TACC1: variants seen among roughly 807,000 people sequenced by gnomAD.
The protein encoded by TACC1 is transforming acidic coiled-coil-containing protein 1.
In TACC1, 48 loss-of-function variants were observed where a neutral mutation model predicts 84.4. That is an observed-to-expected ratio of 0.57 (90% confidence interval 0.45 to 0.72). The LOEUF (loss-of-function observed/expected upper bound fraction) is 0.72. Among genes scored for constraint, TACC1 ranks in the 30% least tolerant of loss-of-function variants. The probability of loss-of-function intolerance (pLI) is 0.00; values close to 1 mark genes in which losing one functional copy is unlikely to be tolerated. For missense variants in TACC1, 920 were observed against 973.0 expected (o/e 0.95, Z 0.72); for synonymous variants, 372 against 376.3 (o/e 0.99, Z 0.13).
Position 38,820,640 on chromosome 8 carries a change from G to C in TACC1, c.1391+5G>C. On this transcript the variant is annotated splice_donor_5th_base_variant and intron_variant, in intron 3 of 12. Coordinates refer to ENST00000317827, the MANE Select transcript of TACC1 (RefSeq NM_006283.3). ...GGCAAAGTCGCGTTTAATAACGTGAGTGACAGTGGGCGCTGGGTGTCGTGC... is the reference window on the plus strand; with the variant it reads ...GGCAAAGTCGCGTTTAATAACGTGACTGACAGTGGGCGCTGGGTGTCGTGC... 6.3e-7 allele frequency: 1 copy of C among 1,598,998 alleles called. No homozygotes were observed. Among genetic ancestry groups the C allele is most frequent in the Non-Finnish European group, 8.5e-7 (1 of 1,177,040 alleles).
intron 3 of TACC1, chr8:38,757,266 A>T: frequency 1.1e-6 from 1 of 922,696 alleles, no homozygotes; most frequent in Non-Finnish European, 1.3e-6. Flanking sequence ...CTCCCCGCCC[A>T]GGGTCTGGGC....
chr8:38,818,610 G>A lies in TACC1; in HGVS notation c.278-912G>A, dbSNP rs187770762. On this transcript the variant is annotated intron_variant, in intron 2 of 12. Coordinates refer to ENST00000317827, the MANE Select transcript of TACC1 (RefSeq NM_006283.3). ...TACAATTTGTGTCTTAGTAAAATAA[G>A]GGCTATTTGTTTTAAAGCCATTTCC... Among the ~76,000 whole-genome samples, 358 of 152,204 alleles carry A rather than the reference G, an allele frequency of 2.4e-3. 7 individuals are homozygous for A. The highest frequency in any genetic ancestry group is 8.0e-3 in the African/African-American group (331 of 41,544).
intron 3 of TACC1, among the ~76,000 whole-genome samples, chr8:38,748,204 A>G (rs902754404): frequency 6.6e-6 from 1 of 152,142 alleles, no homozygotes; most frequent in Non-Finnish European, 1.5e-5. Flanking sequence ...AAAAAAAAGT[A>G]TCATAAAAGA....
chr8:38,752,769 A>C (rs971847168), intron 3 of TACC1, among the ~76,000 whole-genome samples: 6 of 152,124 alleles, frequency 3.9e-5, no homozygotes, highest in Non-Finnish European at 8.8e-5. Context: ...GGCACCAAAA[A>C]ATAGTAGATT....
chr8:38,813,920 G>C (rs1288281294), intron 2 of TACC1, among the ~76,000 whole-genome samples: 5 of 152,176 alleles, frequency 3.3e-5, no homozygotes, highest in Admixed American at 3.3e-4. Flanking sequence ...TAGAAATTAA[G>C]CTGGGGCAGT....
At chr8:38,745,833 C>T (rs972321949) in intron 3 of TACC1, among the ~76,000 whole-genome samples, 3 of 151,928 alleles carry the variant, frequency 2.0e-5, no homozygotes, top group African/African-American at 2.4e-5. Flanking sequence ...CATGAGCCAC[C>T]GCACCCAGCC....
chr8:38,766,349 C>A (rs924847339), intron 3 of TACC1, among the ~76,000 whole-genome samples: 1 of 152,172 alleles, frequency 6.6e-6, no homozygotes, highest in Non-Finnish European at 1.5e-5. Flanking sequence ...AGGCAAAATA[C>A]ATTATATTTA....
intron 2 of TACC1, chr8:38,805,767 TG>T (rs1822550321): frequency 6.6e-6 from 1 of 152,214 alleles, no homozygotes; most frequent in African/African-American, 2.4e-5. Context: ...CCAGTTTAAA[TG>T]AATTACAGAG....
intron 2 of TACC1, among the ~76,000 whole-genome samples, chr8:38,807,979 A>T (rs1396463114): frequency 1.3e-5 from 2 of 152,264 alleles, no homozygotes; most frequent in Non-Finnish European, 2.9e-5. Context: ...GATTTAGGGA[A>T]GGCTGACTAT....
chr8:38,841,021 C>T (rs577478009), intron 9 of TACC1, among the ~76,000 whole-genome samples: 9 of 152,286 alleles, frequency 5.9e-5, no homozygotes, highest in African/African-American at 2.2e-4. Flanking sequence ...TGCACTCCAG[C>T]CTGGGCAATG....
At chr8:38,765,188 A>G (rs1483115374) in intron 3 of TACC1, among the ~76,000 whole-genome samples, 1 of 145,766 alleles carries the variant, frequency 6.9e-6, no homozygotes, top group African/African-American at 2.5e-5. Context: ...GTGTAATTTT[A>G]TTTCTGCCTC....
chr8:38,777,851 C>A (rs1257019707), intron 3 of TACC1, among the ~76,000 whole-genome samples: 2 of 152,280 alleles, frequency 1.3e-5, no homozygotes. Context: ...GTGCTCACAT[C>A]CCATGGGTGA....
intron 4 of TACC1, among the ~76,000 whole-genome samples, chr8:38,826,802 C>G (rs1208239361): frequency 6.6e-6 from 1 of 151,806 alleles, no homozygotes; most frequent in Non-Finnish European, 1.5e-5. Flanking sequence ...TAAACTTATG[C>G]CAAAAAGTTT....
intron 11 of TACC1, 107 bp from the exon 12 acceptor site, chr8:38,846,592 T>G: frequency 7.5e-7 from 1 of 1,339,566 alleles, no homozygotes; most frequent in Non-Finnish European, 1.0e-6. Context: ...GTCAATTCTT[T>G]GAGGCCTGTG....
At chr8:38,753,441 T>C (rs2151755331) in intron 3 of TACC1, among the ~76,000 whole-genome samples, 1 of 152,032 alleles carries the variant, frequency 6.6e-6, no homozygotes, top group East Asian at 1.9e-4. Context: ...CAAGAAAGAG[T>C]TTAAACCCAG....
chr8:38,765,836 GA>G (rs1273941803), intron 3 of TACC1, among the ~76,000 whole-genome samples: 1 of 151,170 alleles, frequency 6.6e-6, no homozygotes, highest in East Asian at 1.9e-4. Flanking sequence ...GTGTGGAGCT[GA>G]AAAAAAATAG....
intron 2 of TACC1, among the ~76,000 whole-genome samples, chr8:38,805,826 ACTATGG>A (rs572722621): frequency 2.0e-5 from 3 of 152,230 alleles, no homozygotes; most frequent in Non-Finnish European, 4.4e-5. Flanking sequence ...ATTTCTTAAT[ACTATGG>A]CTTACAGTCA....
chr8:38,803,810 C>T (rs1383396070), intron 2 of TACC1, among the ~76,000 whole-genome samples: 3 of 151,982 alleles, frequency 2.0e-5, no homozygotes, highest in African/African-American at 7.3e-5. Context: ...CTTCTTCCCT[C>T]GGTATTTTTT....
intron 2 of TACC1, 145 bp downstream of exon 2, chr8:38,788,964 AT>A: frequency 1.6e-6 from 1 of 643,498 alleles, no homozygotes; most frequent in Non-Finnish European, 2.7e-6. Context: ...TGGCTTATGT[AT>A]TTTTAGGGGT....
Sources: gnomAD v4.1 joint callset for allele counts (sites outside exome capture counted in the v4.1 genomes callset) on GRCh38, gnomAD v4.1.1 for gene constraint, MANE v1.5 for transcripts, NCBI Gene and HGNC (gene_info 2026-07-23, HGNC 2026-07-21) for gene names.